NLGN1: variants seen among roughly 807,000 people sequenced by gnomAD.
The protein encoded by NLGN1 is neuroligin 1.
Under a neutral mutation model 65.5 loss-of-function variants are expected in NLGN1, and 12 were observed. The ratio of observed to expected loss-of-function variants is 0.18; its 90% confidence interval spans 0.12 to 0.30. The LOEUF is 0.30. Ranked by LOEUF, NLGN1 falls within the 10% of genes least tolerant of loss-of-function variation. The pLI is 1.00. For synonymous variants in NLGN1, 350 were observed against 359.5 expected, an observed-to-expected ratio of 0.97 and a Z score of 0.30; for missense variants, 750 against 1,007.1, an observed-to-expected ratio of 0.74 and a Z score of 3.46.
At chr3:173,735,537 C>A (rs1453581363) in intron 3 of NLGN1, among the ~76,000 whole-genome samples, 3 of 152,128 alleles carry the variant, frequency 2.0e-5, no homozygotes, top group Admixed American at 6.6e-5. Context: ...ATACATTTAA[C>A]TTCTCATTCT....
intron 4 of NLGN1, among the ~76,000 whole-genome samples, chr3:174,257,462 T>C (rs1746009040): frequency 6.6e-6 from 1 of 152,196 alleles, no homozygotes; most frequent in Non-Finnish European, 1.5e-5. Flanking sequence ...CACACATATG[T>C]TCCTTGCAGC....
In NLGN1 at chr3:174,160,424, T is replaced by G. The variant is rs1726270394; in HGVS notation, c.647-114891T>G. Among the ~76,000 whole-genome samples the G allele has an allele frequency of 2.0e-5, 3 of 151,710 alleles. No individual in the cohort carries two copies. The Admixed American group carries it at 2.0e-4, about 10-fold the overall frequency. On this transcript the variant is annotated intron_variant, in intron 4 of 6. Transcript: ENST00000457714. The stretch of plus-strand genomic sequence containing the variant: ...TGAATAACTTAAACTTTTTTTTCAT[T>G]ATTACAAATATTTGGCATTCTCTAA...
chr3:174,072,950 A>G (rs1465481272), intron 4 of NLGN1, among the ~76,000 whole-genome samples: 2 of 152,298 alleles, frequency 1.3e-5, no homozygotes, highest in South Asian at 4.1e-4. Context: ...TGTAAATAGT[A>G]TCATATTTTC....
At chr3:173,845,979 T>C (rs1222344857) in intron 4 of NLGN1, among the ~76,000 whole-genome samples, 4 of 152,120 alleles carry the variant, frequency 2.6e-5, no homozygotes, top group African/African-American at 9.7e-5. Context: ...AGATGGGGTC[T>C]TGCTATGTTG....
At chr3:173,872,517 CT>C (rs1356464201) in intron 4 of NLGN1, among the ~76,000 whole-genome samples, 3 of 152,300 alleles carry the variant, frequency 2.0e-5, no homozygotes, top group African/African-American at 7.2e-5. Flanking sequence ...ATTTATTCTT[CT>C]GCTTTTACTA....
At chr3:173,745,102 A>G (rs1002091680) in intron 3 of NLGN1, among the ~76,000 whole-genome samples, 14 of 152,138 alleles carry the variant, frequency 9.2e-5, no homozygotes, top group South Asian at 2.1e-4. Context: ...GCAAACAAGC[A>G]CAATGGCAGT....
chr3:173,915,842 T>A (rs1249087196), intron 4 of NLGN1, among the ~76,000 whole-genome samples: 1 of 139,958 alleles, frequency 7.1e-6, no homozygotes, highest in East Asian at 1.9e-4. Flanking sequence ...ACCATGTAGC[T>A]TTTTTTTCAT....
chr3:173,580,310 A>G (rs1330554098), intron 2 of NLGN1, among the ~76,000 whole-genome samples: 2 of 152,110 alleles, frequency 1.3e-5, no homozygotes, highest in Non-Finnish European at 2.9e-5. Context: ...GATGTTTTTT[A>G]TCAGAGCTGA....
chr3:174,274,577 C>A (rs1750164708), intron 4 of NLGN1, among the ~76,000 whole-genome samples: 1 of 151,594 alleles, frequency 6.6e-6, no homozygotes, highest in South Asian at 2.1e-4. Context: ...AGATTTACTA[C>A]AAAGCAGAGC....
intron 2 of NLGN1, among the ~76,000 whole-genome samples, chr3:173,462,331 T>G (rs558131189): frequency 1.6e-4 from 25 of 152,304 alleles, no homozygotes; most frequent in African/African-American, 6.0e-4. Flanking sequence ...ATGACACTGT[T>G]AGTTTTTACC....
intron 5 of NLGN1, among the ~76,000 whole-genome samples, chr3:174,278,235 A>G (rs1290938149): frequency 6.6e-6 from 1 of 152,110 alleles, no homozygotes; most frequent in Non-Finnish European, 1.5e-5. Flanking sequence ...CTTCTGAAAG[A>G]TGAATATTCA....
chr3:173,906,786 C>T (rs2152205226), intron 4 of NLGN1, among the ~76,000 whole-genome samples: 1 of 150,536 alleles, frequency 6.6e-6, no homozygotes, highest in Non-Finnish European at 1.5e-5. Context: ...GAGTTCCAGG[C>T]TGCAGTGTGC....
At chr3:173,833,842 TA>T (rs947013144) in intron 4 of NLGN1, among the ~76,000 whole-genome samples, 4 of 152,216 alleles carry the variant, frequency 2.6e-5, no homozygotes, top group Admixed American at 6.5e-5. Context: ...TATAGGAGTT[TA>T]AAATTTGTTA....
intron 3 of NLGN1, among the ~76,000 whole-genome samples, chr3:173,671,968 A>G (rs948373477): frequency 6.6e-6 from 1 of 151,934 alleles, no homozygotes; most frequent in Admixed American, 6.6e-5. Flanking sequence ...AGGTCAGGAG[A>G]TCGAGACCAT....
At chr3:173,602,281 TA>T (rs1323520204) in intron 2 of NLGN1, among the ~76,000 whole-genome samples, 2 of 152,070 alleles carry the variant, frequency 1.3e-5, no homozygotes, top group Admixed American at 6.6e-5. Flanking sequence ...TTTAGGCATA[TA>T]TTTTTTTAAA....
chr3:173,788,223 A>G (rs866405325), intron 3 of NLGN1, among the ~76,000 whole-genome samples: 153 of 150,658 alleles, frequency 1.0e-3, no homozygotes, highest in Middle Eastern at 6.8e-3. Context: ...AAAAAAAAAA[A>G]AAAAGAAAAA....
intron 4 of NLGN1, among the ~76,000 whole-genome samples, chr3:173,942,193 A>G (rs1746273167): frequency 6.6e-6 from 1 of 151,798 alleles, no homozygotes; most frequent in South Asian, 2.1e-4. Context: ...ATATATACAC[A>G]TGTGCATATA....
chr3:174,136,707 A>G (rs1163219552), intron 4 of NLGN1: 1 of 152,136 alleles, frequency 6.6e-6, no homozygotes, highest in Non-Finnish European at 1.5e-5. Context: ...TGCAGACATA[A>G]CAATGTTAAA....
intron 4 of NLGN1, among the ~76,000 whole-genome samples, chr3:174,029,271 G>A (rs1333718943): frequency 2.6e-5 from 4 of 152,182 alleles, no homozygotes; most frequent in Non-Finnish European, 5.9e-5. Flanking sequence ...GGGTGGAGCT[G>A]TCCAAGGCCA....
Sources: allele counts gnomAD v4.1 joint callset (sites outside exome capture counted in the v4.1 genomes callset), GRCh38; gene constraint gnomAD v4.1.1; transcripts MANE v1.5; gene names NCBI Gene and HGNC (gene_info 2026-07-23, HGNC 2026-07-21).